MRE11: variants seen among roughly 807,000 people sequenced by gnomAD.
MRE11 encodes the protein double-strand break repair protein MRE11.
In MRE11, 62 loss-of-function variants were observed where a neutral mutation model predicts 91.7. The observed-to-expected ratio is 0.68, with a 90% confidence interval of 0.55 to 0.84. MRE11 has a LOEUF of 0.84. MRE11 is among the 40% of genes least tolerant of loss of function. The probability of loss-of-function intolerance (pLI) is 0.00; values close to 1 mark genes in which losing one functional copy is unlikely to be tolerated. For missense variants in MRE11, 796 were observed against 852.9 expected (o/e 0.93, Z 0.83); for synonymous variants, 273 against 271.4 (o/e 1.01, Z -0.06).
intron 18 of MRE11, 109 bp from the exon 19 acceptor site, chr11:94,430,095 C>A: frequency 9.9e-7 from 1 of 1,013,030 alleles, no homozygotes; most frequent in East Asian, 2.5e-5. Context: ...ATAAATAACA[C>A]ACAATTCCCT....
intron 10 of MRE11, among the ~76,000 whole-genome samples, chr11:94,465,720 C>T (rs1332043037): frequency 6.6e-6 from 1 of 152,104 alleles, no homozygotes. Context: ...TCTACAGCTA[C>T]CATGTTATAA....
chr11:94,470,014 G>A (rs1298177331), intron 9 of MRE11, among the ~76,000 whole-genome samples: 1 of 152,040 alleles, frequency 6.6e-6, no homozygotes, highest in Non-Finnish European at 1.5e-5. Flanking sequence ...GCAGCAATAG[G>A]GTGGATAGCA....
At chr11:94,459,765 A>C (rs1199141605) in intron 12 of MRE11, among the ~76,000 whole-genome samples, 184 bp from the exon 13 acceptor site, 1 of 152,222 alleles carries the variant, frequency 6.6e-6, no homozygotes, top group African/African-American at 2.4e-5. Flanking sequence ...GGAGGAGTAC[A>C]GGACACGTGA....
chr11:94,419,209 T>G lies in MRE11; in HGVS notation c.*916A>C, dbSNP rs1945098940. On this transcript the variant is annotated 3_prime_UTR_variant, in exon 20 of 20. Coordinates refer to ENST00000323929, the MANE Select transcript of MRE11 (RefSeq NM_005591.4). Reference sequence around the variant, plus strand: ...ATTTCTGGAATTGCCCATTCAGAAATGTATCACAGGAACCAAAGTTGAGAT... The same window carrying G: ...ATTTCTGGAATTGCCCATTCAGAAAGGTATCACAGGAACCAAAGTTGAGAT... The G allele has an allele frequency of 4.3e-6, 1 of 232,814 alleles. No individual in the cohort carries two copies. The highest frequency in any genetic ancestry group is 2.2e-5 in the African/African-American group (1 of 45,326). The allele number at this position is 232,814 out of a possible 1,614,324, so 14.4% of individuals were successfully genotyped here.
intron 9 of MRE11, 128 bp from the exon 10 acceptor site, chr11:94,468,021 C>T (rs1022844762): frequency 1.1e-5 from 8 of 725,238 alleles, no homozygotes; most frequent in Middle Eastern, 3.8e-4. Flanking sequence ...TCATTTATGA[C>T]ACCTTTTCAA....
At chr11:94,422,285 C>G (rs1945190532) in intron 19 of MRE11, among the ~76,000 whole-genome samples, 1 of 152,114 alleles carries the variant, frequency 6.6e-6, no homozygotes, top group Admixed American at 6.5e-5. Flanking sequence ...TCCTCCTCCT[C>G]ATTCATGGTG....
chr11:94,504,330 G>A, the MRE11 span, among the ~76,000 whole-genome samples: 1 of 152,056 alleles, frequency 6.6e-6, no homozygotes, highest in African/African-American at 2.4e-5. Flanking sequence ...GCAAGCATAA[G>A]ATGACCTCAT....
intron 3 of MRE11, among the ~76,000 whole-genome samples, chr11:94,490,569 G>A (rs1162201412): frequency 6.6e-6 from 1 of 152,076 alleles, no homozygotes; most frequent in East Asian, 1.9e-4. Context: ...CTTACATTTC[G>A]AATAGACACT....
intron 16 of MRE11, among the ~76,000 whole-genome samples, chr11:94,442,390 T>A (rs1301548935): frequency 6.6e-6 from 1 of 152,200 alleles, no homozygotes; most frequent in East Asian, 1.9e-4. Flanking sequence ...ACGACTCATT[T>A]TAAGTGATGA....
rs1255676053 is a variant in MRE11, at chr11:94,418,260, G to A, written c.*1865C>T. ...CCATATTTTCAGGGCTTGATACATA[G>A]TATTCACAAAATGACCTGAATTAGC... is the stretch of plus-strand genomic sequence containing the variant. On this transcript the variant is annotated 3_prime_UTR_variant, in exon 20 of 20. Transcript: ENST00000323929. 4.3e-6 allele frequency: 1 copy of A among 232,838 alleles called. No individual in the cohort carries two copies. Among genetic ancestry groups the A allele is most frequent in the Non-Finnish European group, 8.5e-6 (1 of 117,968 alleles). 14.4% of individuals were successfully genotyped at this position (232,838 alleles called of 1,614,324 possible).
At chr11:94,511,853 C>T in the MRE11 span, among the ~76,000 whole-genome samples, 1 of 152,200 alleles carries the variant, frequency 6.6e-6, no homozygotes, top group Non-Finnish European at 1.5e-5. Context: ...TTTCTACTTG[C>T]TCTTCAAATT....
chr11:94,418,730 A>G lies in MRE11; in HGVS notation c.*1395T>C, dbSNP rs1311978871. ...TCTGCCTAAGAATATTTCACAGGAC[A>G]ATGCCTTCCACTGAGTTAATGTTAC... On this transcript the variant is annotated 3_prime_UTR_variant, in exon 20 of 20. Transcript: ENST00000323929. 4.3e-6 allele frequency: 1 copy of G among 232,512 alleles called. No individual in the cohort carries two copies. The highest frequency in any genetic ancestry group is 1.3e-3 in the Middle Eastern group (1 of 780). The allele number at this position is 232,512 out of a possible 1,614,324, so 14.4% of individuals were successfully genotyped here. A position where few individuals can be genotyped will look rare whatever the true frequency, so the allele number is the denominator to read the frequency against.
chr11:94,455,047 G>A (rs779550921), intron 14 of MRE11, among the ~76,000 whole-genome samples: 26 of 152,146 alleles, frequency 1.7e-4, no homozygotes, highest in Admixed American at 3.3e-4. Context: ...GCAACTATGT[G>A]TATTTCAACA....
intron 14 of MRE11, among the ~76,000 whole-genome samples, chr11:94,455,996 G>A (rs1479769601): frequency 3.3e-5 from 5 of 152,098 alleles, no homozygotes; most frequent in South Asian, 4.1e-4. Flanking sequence ...CTGGGCTCAC[G>A]CAATCCCCTC....
intron 7 of MRE11, among the ~76,000 whole-genome samples, chr11:94,475,935 ATAAT>A (rs1361817463): frequency 6.6e-6 from 1 of 152,226 alleles, no homozygotes; most frequent in African/African-American, 2.4e-5. Context: ...AAGCAATGAA[ATAAT>A]TAATTCAAAA....
At chr11:94,424,163 A>G (rs1432113089) in intron 19 of MRE11, among the ~76,000 whole-genome samples, 1 of 152,170 alleles carries the variant, frequency 6.6e-6, no homozygotes, top group East Asian at 1.9e-4. Flanking sequence ...ATACAAAAGA[A>G]CTATGCAGCT....
chr11:94,469,042 ATAACT>A lies in MRE11; in HGVS notation c.1018-1154_1018-1150del, dbSNP rs1300368732. Among the ~76,000 whole-genome samples, 11 of 152,320 alleles carry A rather than the reference ATAACT, an allele frequency of 7.2e-5. 1 individual carries two copies. The highest frequency in any genetic ancestry group is 3.4e-3 in the Middle Eastern group (1 of 294). On this transcript the variant is annotated intron_variant, in intron 9 of 19. Transcript: ENST00000323929. ...CACTCACATGCTTATAAAAAATAAT[ATAACT>A]TAACTAAGTACAATAACAGAAATGT...
At chr11:94,500,891 T>G in the MRE11 span, among the ~76,000 whole-genome samples, 14 of 152,224 alleles carry the variant, frequency 9.2e-5, no homozygotes, top group African/African-American at 3.4e-4. Flanking sequence ...TACTGAGATT[T>G]ATGTCCCATA....
chr11:94,446,696 A>G (rs1397874856), intron 15 of MRE11, among the ~76,000 whole-genome samples: 1 of 152,204 alleles, frequency 6.6e-6, no homozygotes, highest in Non-Finnish European at 1.5e-5. Context: ...CAGTAAATAC[A>G]ATGTTGACTA....
Sources: allele counts gnomAD v4.1 joint callset (sites outside exome capture counted in the v4.1 genomes callset), GRCh38; gene constraint gnomAD v4.1.1; transcripts MANE v1.5; gene names NCBI Gene and HGNC (gene_info 2026-07-23, HGNC 2026-07-21).